The following NARF variants were observed in gnomAD, a reference collection of about 807,000 sequenced individuals.
The protein encoded by NARF is nuclear prelamin A recognition factor, also known as iron-only hydrogenase-like protein 2.
A neutral mutation model predicts 48.0 loss-of-function variants in NARF; 41 were observed. That is an observed-to-expected ratio of 0.85 (90% CI 0.66 to 1.11). NARF has a LOEUF of 1.11. Among genes scored for constraint, NARF ranks in the 50% least tolerant of loss-of-function variants. The probability of loss-of-function intolerance (pLI) is 0.00; values close to 1 mark genes in which losing one functional copy is unlikely to be tolerated. For synonymous variants in NARF, 215 were observed against 225.5 expected (o/e 0.95, Z 0.42); for missense variants, 613 against 590.2 (o/e 1.04, Z -0.40).
At chr17:82,482,152 C>T (rs1346933392) in intron 7 of NARF, 1 of 317,300 alleles carries the variant, frequency 3.2e-6, no homozygotes, top group Non-Finnish European at 6.2e-6. Context: ...GAAAACAGGT[C>T]CCTGCAGGTA....
In NARF at chr17:82,472,675, C is replaced by G. The variant is rs2043739922; in HGVS notation, c.497C>G (p.Pro166Arg). ...CACAGTGAGGAGGAACGCACCCTGC[C>G]CATGCTGACCTCTGCCTGTCCTGGT... Reference protein sequence around the residue: ...RQHSEEERTLPMLTSACPGWV... With the variant: ...RQHSEEERTLRMLTSACPGWV... Residue 166 changes from proline (P) to arginine (R), a missense_variant, in exon 5 of 11, where the codon CCC becomes CGC. By Grantham distance (103) the Pro-to-Arg change is moderately radical. Transcript: ENST00000309794. 4 of 1,613,530 alleles carry G rather than the reference C, an allele frequency of 2.5e-6. No individual in the cohort carries two copies. Among genetic ancestry groups the G allele is most frequent in the Non-Finnish European group, 3.4e-6 (4 of 1,179,822 alleles).
chr17:82,481,909 T>C (rs1461293600), intron 7 of NARF: 2 of 325,590 alleles, frequency 6.1e-6, no homozygotes, highest in Non-Finnish European at 1.2e-5. Context: ...GTGAAGTTTT[T>C]TTCATTCAGA....
At chr17:82,478,735 TG>T in intron 5 of NARF, 64 bp from the exon 6 acceptor site, 1 of 1,484,254 alleles carries the variant, frequency 6.7e-7, no homozygotes, top group Non-Finnish European at 9.4e-7. Flanking sequence ...CAGCATTCCC[TG>T]GTGCGTTACA....
chr17:82,487,433 G>A (rs60825050), intron 10 of NARF, among the ~76,000 whole-genome samples: 2 of 149,492 alleles, frequency 1.3e-5, no homozygotes, highest in South Asian at 2.1e-4. Flanking sequence ...GCAGTGAGCC[G>A]AGATTAGGCC....
chr17:82,465,008 A>G lies in NARF; in HGVS notation c.252+578A>G, dbSNP rs557388849. ...TGACACTGGCTAATTTATAAAGCAGAGAGGTTTAATTGACTCACAGTTCCA... is the reference window on the plus strand; with the variant it reads ...TGACACTGGCTAATTTATAAAGCAGGGAGGTTTAATTGACTCACAGTTCCA... On this transcript the variant is annotated intron_variant, in intron 3 of 10. Transcript: ENST00000309794. 6.6e-5 allele frequency among the ~76,000 whole-genome samples: 10 copies of G among 152,310 alleles called. No homozygotes were observed. In the East Asian group the frequency reaches 1.9e-3, roughly 29 times the overall value.
At chr17:82,468,992 TA>T in intron 4 of NARF, 96 bp downstream of exon 4, 1 of 1,382,580 alleles carries the variant, frequency 7.2e-7, no homozygotes, top group Non-Finnish European at 9.9e-7. Context: ...GCAGGGTAGA[TA>T]AGCAACTTCC....
At chr17:82,464,178 A>G (rs144180709) in intron 2 of NARF, 109 bp from the exon 3 acceptor site, 35 of 1,415,908 alleles carry the variant, frequency 2.5e-5, no homozygotes, top group Admixed American at 1.0e-4. Context: ...GGACCCTGGT[A>G]TTATCTCCAA....
rs144220730 is a variant in NARF, at chr17:82,464,410, C to T, written c.232C>T (p.Arg78Cys). The change falls in exon 3 of 11, where the codon CGC (arginine) becomes TGC (cysteine). Residue 78 changes from arginine (R) to cysteine (C), a missense_variant. Arg to Cys is a radical substitution (Grantham distance 180). Transcript: ENST00000309794. ...CCAGCAAAATGCCAAGGACTTCTTC[C>T]GCGTTCTGAACCTTAACAAGGTAAG... ...LSQQNAKDFF[R>C]VLNLNKKCDT... 4.6e-5 allele frequency: 75 copies of T among 1,613,600 alleles called. No homozygotes were observed. The highest frequency in any genetic ancestry group is 2.2e-4 in the Admixed American group (13 of 59,930).
intron 7 of NARF, chr17:82,482,620 C>T (rs1318484655): frequency 1.3e-5 from 2 of 153,052 alleles, no homozygotes; most frequent in African/African-American, 4.8e-5. Context: ...AAAGGAAATA[C>T]AGAAAGTGGT....
At chr17:82,464,145 C>T in intron 2 of NARF, 142 bp from the exon 3 acceptor site, 1 of 1,114,112 alleles carries the variant, frequency 9.0e-7, no homozygotes, top group African/African-American at 1.6e-5. Flanking sequence ...TGTCCTGCTT[C>T]CAGCCCCTTG....
intron 5 of NARF, among the ~76,000 whole-genome samples, chr17:82,476,243 G>A (rs1233181960): frequency 6.6e-6 from 1 of 152,128 alleles, no homozygotes; most frequent in Non-Finnish European, 1.5e-5. Context: ...CCTGACCTCA[G>A]GTGATCGCCC....
At chr17:82,486,779 T>C (rs1243008251) in intron 10 of NARF, among the ~76,000 whole-genome samples, 1 of 152,180 alleles carries the variant, frequency 6.6e-6, no homozygotes, top group Non-Finnish European at 1.5e-5. Flanking sequence ...GGTGCCACCC[T>C]GGAACCCATG....
chr17:82,460,008 C>T lies in NARF; in HGVS notation c.44C>T (p.Thr15Ile), dbSNP rs960334508. 6.2e-7 allele frequency: 1 copy of T among 1,613,374 alleles called. No homozygotes were observed. Among genetic ancestry groups the T allele is most frequent in the African/African-American group, 1.3e-5 (1 of 74,880 alleles). The part of the protein sequence containing the change: ...HCTRKECSKK[T>I]KTDDQENVSA... ...TTTTTTAAGGAATGTAGTAAGAAAA[C>T]AAAAACTGATGACCAAGAGAATGTG... is the stretch of plus-strand genomic sequence containing the variant. The change falls in exon 2 of 11, where the codon ACA becomes ATA. Residue 15 changes from threonine (T) to isoleucine (I), a missense_variant. Thr to Ile is a moderately conservative substitution (Grantham distance 89). Transcript: ENST00000309794.
chr17:82,479,138 T>C, intron 6 of NARF: 1 of 414,618 alleles, frequency 2.4e-6, no homozygotes, highest in Non-Finnish European at 4.3e-6. Context: ...CTTCTTAACC[T>C]TTTCTGTGGC....
At chr17:82,480,357 C>T (rs867457688) in intron 6 of NARF, 1 of 401,714 alleles carries the variant, frequency 2.5e-6, no homozygotes, top group Middle Eastern at 3.1e-4. Context: ...CCAGCAACAG[C>T]TCCACGCCGG....
intron 4 of NARF, among the ~76,000 whole-genome samples, chr17:82,471,104 C>T (rs942936113): frequency 2.7e-5 from 4 of 150,208 alleles, no homozygotes; most frequent in Admixed American, 6.7e-5. Context: ...CAGAGGTTTG[C>T]GGTGAGTTGA....
chr17:82,477,934 C>CA (rs1276433681), intron 5 of NARF: 1 of 152,308 alleles, frequency 6.6e-6, no homozygotes, highest in Non-Finnish European at 1.5e-5. Flanking sequence ...GACTGTGGGA[C>CA]ATGAGCTGCC....
intron 3 of NARF, among the ~76,000 whole-genome samples, chr17:82,467,825 C>A (rs1189519548): frequency 6.6e-6 from 1 of 152,160 alleles, no homozygotes; most frequent in Non-Finnish European, 1.5e-5. Flanking sequence ...TTTTAAGAGG[C>A]ATCTCTGGAT....
At chr17:82,469,939 T>C (rs1205369172) in intron 4 of NARF, among the ~76,000 whole-genome samples, 3 of 151,068 alleles carry the variant, frequency 2.0e-5, no homozygotes, top group Non-Finnish European at 4.4e-5. Context: ...CTTTTAAAAA[T>C]TATAAATATT....
Sources: allele counts gnomAD v4.1 joint callset (sites outside exome capture counted in the v4.1 genomes callset), GRCh38; gene constraint gnomAD v4.1.1; transcripts MANE v1.5; gene names NCBI Gene and HGNC (gene_info 2026-07-23, HGNC 2026-07-21).